The following PRRX1 variants were observed in gnomAD, a reference collection of about 807,000 sequenced individuals.
The protein encoded by PRRX1 is paired related homeobox 1, also known as paired mesoderm homeobox protein 1.
A neutral mutation model predicts 24.0 loss-of-function variants in PRRX1; 8 were observed. That is an observed-to-expected ratio of 0.33 (90% CI 0.20 to 0.60). PRRX1 has a LOEUF of 0.60. Ranked by LOEUF, PRRX1 falls within the 20% of genes least tolerant of loss-of-function variation. The pLI, the probability that PRRX1 is intolerant of heterozygous loss-of-function variation, is 0.82. For missense variants in PRRX1, 281 were observed against 322.4 expected, an observed-to-expected ratio of 0.87 and a Z score of 0.98; for synonymous variants, 160 against 131.7, an observed-to-expected ratio of 1.22 and a Z score of -1.47.
intron 1 of PRRX1, among the ~76,000 whole-genome samples, chr1:170,702,316 A>G (rs1322914595): frequency 6.6e-6 from 1 of 152,172 alleles, no homozygotes; most frequent in South Asian, 2.1e-4. Flanking sequence ...CTAGAACACT[A>G]GAATTACTCC....
In PRRX1 at chr1:170,726,461, T is replaced by C. The variant is rs1655259628; in HGVS notation, c.599+60T>C. 9 of 1,562,548 alleles carry C rather than the reference T, an allele frequency of 5.8e-6. No homozygotes were observed. In the South Asian group the frequency reaches 8.9e-5, roughly 16 times the overall value. On this transcript the variant is annotated intron_variant, in intron 3 of 3. Transcript: ENST00000239461. ...CCACATGTTTCTCAGCGGTCGGTCA[T>C]GTTTCAAGCTGCTTGTGCAGCTCAC...
chr1:170,690,457 T>A (rs1483435660), intron 1 of PRRX1, among the ~76,000 whole-genome samples: 2 of 152,116 alleles, frequency 1.3e-5, no homozygotes, highest in Non-Finnish European at 2.9e-5. Context: ...GTTATAATAA[T>A]CAATTTTGCT....
chr1:170,701,921 C>T (rs1654371770), intron 1 of PRRX1, among the ~76,000 whole-genome samples: 1 of 151,764 alleles, frequency 6.6e-6, no homozygotes, highest in South Asian at 2.1e-4. Context: ...TTATAGTCAC[C>T]CGATAGCACT....
At chr1:170,701,301 C>T (rs2101904546) in intron 1 of PRRX1, among the ~76,000 whole-genome samples, 1 of 152,242 alleles carries the variant, frequency 6.6e-6, no homozygotes, top group South Asian at 2.1e-4. Context: ...ATTTTGAGCT[C>T]CTTGTGGGAA....
Position 170,734,223 on chromosome 1 carries a change from A to AT in PRRX1, c.600-1806dup, listed in dbSNP as rs11300488. On this transcript the variant is annotated intron_variant, in intron 3 of 3. Coordinates refer to ENST00000239461, the MANE Select transcript of PRRX1 (RefSeq NM_022716.4). ...CTATGAATAAAAGCATATTGGTAAG[A>AT]TTTTTTTTTTTTTTTTTTTAGAAAT... 1.1e-3 allele frequency among the ~76,000 whole-genome samples: 161 copies of AT among 144,400 alleles called. 2 individuals are homozygous for AT. The highest frequency in any genetic ancestry group is 2.9e-3 in the Admixed American group (42 of 14,524). 94.7% of individuals were successfully genotyped at this position (144,400 alleles called of 152,430 possible).
At chr1:170,708,247 G>A (rs1558056081) in intron 1 of PRRX1, among the ~76,000 whole-genome samples, 1 of 152,116 alleles carries the variant, frequency 6.6e-6, no homozygotes, top group Admixed American at 6.5e-5. Context: ...CTTTAGGGCT[G>A]TTCAACAACA....
chr1:170,670,586 G>A (rs1368438623), intron 1 of PRRX1, among the ~76,000 whole-genome samples: 2 of 151,906 alleles, frequency 1.3e-5, no homozygotes, highest in African/African-American at 2.4e-5. Flanking sequence ...AATTTAATGC[G>A]GCAGCCTCAG....
intron 3 of PRRX1, among the ~76,000 whole-genome samples, chr1:170,729,829 G>GCA (rs1174980639): frequency 1.3e-5 from 2 of 152,098 alleles, no homozygotes; most frequent in Non-Finnish European, 2.9e-5. Flanking sequence ...CTTGTTTTTG[G>GCA]CACACACACC....
intron 3 of PRRX1, among the ~76,000 whole-genome samples, chr1:170,731,293 C>T (rs1319841811): frequency 1.3e-5 from 2 of 151,952 alleles, no homozygotes; most frequent in African/African-American, 2.4e-5. Flanking sequence ...TCTTGAACAC[C>T]GTAACCCCTA....
intron 1 of PRRX1, among the ~76,000 whole-genome samples, chr1:170,714,528 C>T (rs956218885): frequency 2.0e-5 from 3 of 151,264 alleles, no homozygotes; most frequent in Admixed American, 6.6e-5. Flanking sequence ...GCATAGGAAA[C>T]GCATTTTTCT....
chr1:170,735,861 A>T (rs923654662), intron 3 of PRRX1, among the ~76,000 whole-genome samples, 187 bp from the exon 4 acceptor site: 3 of 152,086 alleles, frequency 2.0e-5, no homozygotes, highest in African/African-American at 4.8e-5. Flanking sequence ...TCAAAACATG[A>T]CCACTCTTCC....
intron 2 of PRRX1, chr1:170,722,677 A>T (rs1004006154): frequency 6.6e-6 from 1 of 152,228 alleles, no homozygotes; most frequent in African/African-American, 2.4e-5. Flanking sequence ...CTGTAAGTAG[A>T]TATTGTTATC....
intron 3 of PRRX1, among the ~76,000 whole-genome samples, chr1:170,734,910 C>T (rs906382962): frequency 6.6e-6 from 1 of 152,234 alleles, no homozygotes; most frequent in South Asian, 2.1e-4. Flanking sequence ...TCTTTCTGAT[C>T]TTGTCACTTG....
intron 1 of PRRX1, among the ~76,000 whole-genome samples, chr1:170,705,906 A>G: frequency 6.8e-6 from 1 of 146,990 alleles, no homozygotes; most frequent in East Asian, 2.0e-4. Context: ...AGTCACACAT[A>G]TACCCACATA....
intron 3 of PRRX1, among the ~76,000 whole-genome samples, 190 bp from the exon 4 acceptor site, chr1:170,735,858 A>T (rs74123168): frequency 0.017 from 2,594 of 152,256 alleles, 79 homozygotes; most frequent in African/African-American, 0.059. Context: ...TCTTCAAAAC[A>T]TGACCACTCT....
At chr1:170,676,299 C>T (rs928564937) in intron 1 of PRRX1, among the ~76,000 whole-genome samples, 26 of 151,622 alleles carry the variant, frequency 1.7e-4, no homozygotes, top group Admixed American at 7.2e-4. Context: ...TCAGAATATA[C>T]GGACTGCTAT....
At chr1:170,721,965 G>A (rs970716608) in intron 2 of PRRX1, among the ~76,000 whole-genome samples, 1 of 151,604 alleles carries the variant, frequency 6.6e-6, no homozygotes, top group African/African-American at 2.4e-5. Flanking sequence ...AGAGGGCAAT[G>A]GTGGACATTT....
chr1:170,691,939 T>A (rs542081701), intron 1 of PRRX1, among the ~76,000 whole-genome samples: 15 of 152,204 alleles, frequency 9.9e-5, no homozygotes, highest in African/African-American at 3.4e-4. Flanking sequence ...ATCAGCACAT[T>A]TATTCAAGAA....
chr1:170,703,194 G>A (rs548422479), intron 1 of PRRX1, among the ~76,000 whole-genome samples: 2 of 152,196 alleles, frequency 1.3e-5, no homozygotes, highest in African/African-American at 4.8e-5. Flanking sequence ...CTTCTTAATA[G>A]TTTATAGGAA....
Sources: gnomAD v4.1 joint callset for allele counts (sites outside exome capture counted in the v4.1 genomes callset) on GRCh38, gnomAD v4.1.1 for gene constraint, MANE v1.5 for transcripts, NCBI Gene and HGNC (gene_info 2026-07-23, HGNC 2026-07-21) for gene names.